The following ABCG1 variants were observed in gnomAD, a reference collection of about 807,000 sequenced individuals.
ABCG1 encodes the protein ATP-binding cassette sub-family G member 1.
Under a neutral mutation model 69.2 loss-of-function variants are expected in ABCG1, and 29 were observed. That is an observed-to-expected ratio of 0.42 (90% CI 0.31 to 0.57). ABCG1 has a LOEUF of 0.57. ABCG1 is among the 20% of genes least tolerant of loss of function. The pLI is 0.15. For synonymous variants in ABCG1, 370 were observed against 374.8 expected (o/e 0.99, Z 0.15); for missense variants, 718 against 898.1 (o/e 0.80, Z 2.56).
upstream of ABCG1, among the ~76,000 whole-genome samples, chr21:42,212,926 C>A (rs1474198472): frequency 1.3e-5 from 2 of 152,176 alleles, no homozygotes; most frequent in African/African-American, 4.8e-5. Flanking sequence ...ATCTCCTGAC[C>A]TCGTGATCCG....
chr21:42,262,847 A>C (rs1056613519), intron 2 of ABCG1, among the ~76,000 whole-genome samples: 1 of 152,366 alleles, frequency 6.6e-6, no homozygotes, highest in African/African-American at 2.4e-5. Flanking sequence ...GCTTGCTGTG[A>C]GGCCTAAGCG....
chr21:42,218,921 G>C (rs1296948504), upstream of ABCG1, among the ~76,000 whole-genome samples: 1 of 152,318 alleles, frequency 6.6e-6, no homozygotes, highest in East Asian at 1.9e-4. Context: ...CGGGACCCGG[G>C]GTTTCCGGGG....
Position 42,296,617 on chromosome 21 carries a change from A to C in ABCG1, c.*225A>C. 1 of 488,530 alleles carries C rather than the reference A, an allele frequency of 2.0e-6. No individual in the cohort carries two copies. Among genetic ancestry groups the C allele is most frequent in the Non-Finnish European group, 3.7e-6 (1 of 272,448 alleles). The allele number at this position is 488,530 out of a possible 1,614,324, so 30.3% of individuals were successfully genotyped here. A position where few individuals can be genotyped will look rare whatever the true frequency, so the allele number is the denominator to read the frequency against. ...GCTTTAACTAGGAAGATGTAGGCAG[A>C]TTGGTGGTTTTTTTTTTTTTAACAT... On this transcript the variant is annotated 3_prime_UTR_variant, in exon 15 of 15. Transcript: ENST00000398449. The surrounding 1 kb of genome is among the most constrained non-coding windows in gnomAD (Gnocchi z 5.4).
At chr21:42,247,579 G>A (rs193299955) in intron 2 of ABCG1, among the ~76,000 whole-genome samples, 5 of 152,076 alleles carry the variant, frequency 3.3e-5, no homozygotes, top group Admixed American at 3.3e-4. Flanking sequence ...TGGTGACTAT[G>A]GTGTAGTGGG....
At chr21:42,256,028 A>C in intron 2 of ABCG1, 1 of 633,276 alleles carries the variant, frequency 1.6e-6, no homozygotes, top group Non-Finnish European at 2.3e-6. Context: ...AGTAGCAGCC[A>C]TTAGGGGGAG....
chr21:42,277,525 CA>C (rs1219112572), intron 5 of ABCG1, among the ~76,000 whole-genome samples: 2 of 152,046 alleles, frequency 1.3e-5, no homozygotes, highest in Non-Finnish European at 2.9e-5. Flanking sequence ...TGGGCAGAGC[CA>C]GGGGGAGCAG....
At chr21:42,210,986 G>A (rs868249433) in intron 2 of ABCG1, among the ~76,000 whole-genome samples, 1 of 137,050 alleles carries the variant, frequency 7.3e-6, no homozygotes, top group Non-Finnish European at 1.5e-5. Context: ...TTGAGACCAA[G>A]TCTCCCTCTG....
chr21:42,260,153 G>T (rs1300944738), intron 2 of ABCG1: 31 of 1,550,512 alleles, frequency 2.0e-5, no homozygotes, highest in Non-Finnish European at 2.5e-5. Flanking sequence ...AGGATGAGTT[G>T]TGTTGCTTCT....
At chr21:42,254,843 G>A (rs2068277182) in intron 2 of ABCG1, among the ~76,000 whole-genome samples, 1 of 152,200 alleles carries the variant, frequency 6.6e-6, no homozygotes, top group Non-Finnish European at 1.5e-5. Context: ...AGATGAATGG[G>A]GAGCGAGGGG....
At position 42,219,288 on chromosome 21, in the gene ABCG1, C is replaced by T. The variant is rs1261788064; in HGVS notation, c.26C>T (p.Ser9Leu). 2 of 1,593,092 alleles carry T rather than the reference C, an allele frequency of 1.3e-6. No homozygotes were observed. The highest frequency in any genetic ancestry group is 1.7e-6 in the Non-Finnish European group (2 of 1,174,246). MACLMAAF[S>L]VGTAMNASSY... is the part of the protein sequence containing the mutation. The stretch of plus-strand genomic sequence containing the variant: ...ATGGCCTGTCTGATGGCCGCTTTCT[C>T]GGTCGGCACCGCCATGGTGAGTGAG... The change falls in exon 1 of 15, where the codon TCG becomes TTG. Residue 9 changes from serine to leucine, a missense_variant. Transcript: ENST00000398449. The surrounding 1 kb of genome is among the most constrained non-coding windows in gnomAD (Gnocchi z 5.3).
At chr21:42,267,222 T>C (rs955516732) in intron 2 of ABCG1, among the ~76,000 whole-genome samples, 2 of 152,198 alleles carry the variant, frequency 1.3e-5, no homozygotes, top group Admixed American at 1.3e-4. Flanking sequence ...CGGGTTCTGG[T>C]CTGCAGTTTT....
At chr21:42,235,922 G>A (rs2067972968) in intron 2 of ABCG1, among the ~76,000 whole-genome samples, 2 of 152,226 alleles carry the variant, frequency 1.3e-5, no homozygotes, top group South Asian at 4.1e-4. Flanking sequence ...GGTTCAGGGG[G>A]CCTTTGAATT....
At chr21:42,255,464 G>A (rs766152915) in intron 2 of ABCG1, among the ~76,000 whole-genome samples, 20 of 152,110 alleles carry the variant, frequency 1.3e-4, no homozygotes, top group South Asian at 2.1e-4. Context: ...GTGTGCATGC[G>A]CGTGTGCCTG....
At chr21:42,225,639 A>T in intron 1 of ABCG1, 32 bp from the exon 2 acceptor site, 1 of 1,608,334 alleles carries the variant, frequency 6.2e-7, no homozygotes, top group Non-Finnish European at 8.5e-7. Context: ...GCAGCTTATA[A>T]CAGGTCTTGT....
chr21:42,244,936 A>G (rs996863103), intron 2 of ABCG1, among the ~76,000 whole-genome samples: 5 of 152,246 alleles, frequency 3.3e-5, no homozygotes, highest in Admixed American at 3.3e-4. Context: ...GAAGGGGTGC[A>G]TTGAAACCAC....
intron 2 of ABCG1, chr21:42,256,573 G>C: frequency 2.0e-6 from 3 of 1,530,208 alleles, no homozygotes; most frequent in Non-Finnish European, 8.8e-7. Context: ...CTGGGACACT[G>C]ACCCATGAAG....
intron 2 of ABCG1, among the ~76,000 whole-genome samples, chr21:42,252,896 G>A (rs764232814): frequency 3.9e-5 from 6 of 152,184 alleles, no homozygotes; most frequent in East Asian, 1.9e-4. Context: ...GTGTTGGGGC[G>A]AGTGAGGTTC....
intron 2 of ABCG1, among the ~76,000 whole-genome samples, chr21:42,261,680 G>A (rs922711585): frequency 3.3e-5 from 5 of 152,218 alleles, no homozygotes; most frequent in East Asian, 1.9e-4. Flanking sequence ...GGAAGCTGGC[G>A]GGTGAGTGAA....
intron 14 of ABCG1, chr21:42,294,883 A>C: frequency 5.7e-6 from 3 of 521,996 alleles, no homozygotes; most frequent in South Asian, 2.1e-5. Context: ...AGCGCTTCAC[A>C]CCCGGAGAGC....
Sources: allele counts gnomAD v4.1 joint callset (sites outside exome capture counted in the v4.1 genomes callset), GRCh38; gene constraint gnomAD v4.1.1; non-coding constraint Gnocchi (gnomAD v3.1); transcripts MANE v1.5; gene names NCBI Gene and HGNC (gene_info 2026-07-23, HGNC 2026-07-21).